NRDC: variants seen among roughly 807,000 people sequenced by gnomAD.
NRDC encodes the protein nardilysin convertase.
Under a neutral mutation model 147.1 loss-of-function variants are expected in NRDC, and 54 were observed. That is an observed-to-expected ratio of 0.37 (90% confidence interval 0.29 to 0.46). The LOEUF is 0.46. Among genes scored for constraint, NRDC ranks in the 20% least tolerant of loss-of-function variants. NRDC has a pLI of 1.00. For missense variants in NRDC, 1,082 were observed against 1,370.6 expected (o/e 0.79, Z 3.33); for synonymous variants, 440 against 482.1 (o/e 0.91, Z 1.14).
chr1:51,836,445 A>G (rs1680978891), intron 2 of NRDC: 2 of 1,611,614 alleles, frequency 1.2e-6, no homozygotes, highest in Non-Finnish European at 1.7e-6. Context: ...AGACCTAAGG[A>G]AAAAAAGCAG....
At chr1:51,804,302 T>C (rs973286482) in intron 19 of NRDC, among the ~76,000 whole-genome samples, 1 of 152,244 alleles carries the variant, frequency 6.6e-6, no homozygotes, top group Non-Finnish European at 1.5e-5. Context: ...ATTAAAAATA[T>C]GAGTTTGGGA....
chr1:51,836,021 C>A, intron 3 of NRDC, 110 bp downstream of exon 3: 1 of 831,208 alleles, frequency 1.2e-6, no homozygotes, highest in South Asian at 1.6e-5. Flanking sequence ...TTTTCTCTTG[C>A]TAAATATATC....
At chr1:51,873,478 T>TA (rs1284028499) in intron 1 of NRDC, among the ~76,000 whole-genome samples, 198 of 135,994 alleles carry the variant, frequency 1.5e-3, no homozygotes, top group East Asian at 7.1e-3. Flanking sequence ...ATATATGGAA[T>TA]TTTTATTTAT....
intron 4 of NRDC, among the ~76,000 whole-genome samples, chr1:51,828,518 A>G (rs1680545281): frequency 6.6e-6 from 1 of 152,136 alleles, no homozygotes; most frequent in Non-Finnish European, 1.5e-5. Flanking sequence ...AGTTAATCTT[A>G]TAATTTCATC....
intron 1 of NRDC, among the ~76,000 whole-genome samples, chr1:51,855,463 CAA>C (rs905287890): frequency 1.8e-4 from 26 of 145,288 alleles, no homozygotes; most frequent in African/African-American, 5.9e-4. Flanking sequence ...TTGTACCAAA[CAA>C]GATAAAAAAT....
intron 7 of NRDC, 40 bp from the exon 8 acceptor site, chr1:51,821,595 T>C: frequency 7.6e-7 from 1 of 1,316,170 alleles, no homozygotes; most frequent in Non-Finnish European, 1.1e-6. Context: ...GAAAATGCAA[T>C]GACATTATTC....
At chr1:51,847,410 T>G (rs1681696408) in intron 1 of NRDC, among the ~76,000 whole-genome samples, 1 of 152,196 alleles carries the variant, frequency 6.6e-6, no homozygotes, top group African/African-American at 2.4e-5. Flanking sequence ...TGGATGGGAC[T>G]GGGCGCCGTG....
At chr1:51,863,789 A>G (rs1180228773) in intron 1 of NRDC, among the ~76,000 whole-genome samples, 1 of 152,216 alleles carries the variant, frequency 6.6e-6, no homozygotes, top group African/African-American at 2.4e-5. Flanking sequence ...AATCTAATAT[A>G]ATTATATAAA....
intron 1 of NRDC, 51 bp from the exon 2 acceptor site, chr1:51,840,565 CCAATA>C: frequency 8.2e-7 from 1 of 1,221,578 alleles, no homozygotes. Context: ...GTTCTTTACA[CCAATA>C]CAAGTAATCA....
At chr1:51,804,385 G>A (rs944421199) in intron 19 of NRDC, among the ~76,000 whole-genome samples, 1 of 152,180 alleles carries the variant, frequency 6.6e-6, no homozygotes, top group African/African-American at 2.4e-5. Context: ...TTACAGTTAC[G>A]TAGGAAAAGA....
chr1:51,874,806 G>T (rs1683246191), intron 1 of NRDC, among the ~76,000 whole-genome samples: 1 of 152,018 alleles, frequency 6.6e-6, no homozygotes, highest in East Asian at 1.9e-4. Flanking sequence ...AGGTGTCCTG[G>T]AAATATGCCC....
intron 1 of NRDC, among the ~76,000 whole-genome samples, chr1:51,846,361 G>A (rs1010613731): frequency 2.0e-5 from 3 of 152,090 alleles, no homozygotes; most frequent in Admixed American, 6.5e-5. Context: ...TGATCCACCC[G>A]CCTCGGTCTC....
intron 25 of NRDC, 50 bp from the exon 26 acceptor site, chr1:51,792,148 C>T: frequency 6.3e-7 from 1 of 1,599,108 alleles, no homozygotes; most frequent in Non-Finnish European, 8.6e-7. Context: ...AGCAGAGAAA[C>T]CTCCATTTCT....
At chr1:51,874,438 G>A (rs372278607) in intron 1 of NRDC, among the ~76,000 whole-genome samples, 2 of 151,942 alleles carry the variant, frequency 1.3e-5, no homozygotes, top group Non-Finnish European at 2.9e-5. Flanking sequence ...GCAAAATGGC[G>A]AAATCTCATC....
chr1:51,805,952 T>G (rs111735046), intron 18 of NRDC, among the ~76,000 whole-genome samples: 3 of 152,252 alleles, frequency 2.0e-5, no homozygotes, highest in African/African-American at 7.2e-5. Context: ...TTTTAGAAAC[T>G]CATAAGCTAT....
At chr1:51,820,683 C>T (rs1417022156) in intron 8 of NRDC, among the ~76,000 whole-genome samples, 2 of 152,004 alleles carry the variant, frequency 1.3e-5, no homozygotes, top group African/African-American at 2.4e-5. Context: ...TAATAATAAC[C>T]AATCAGTTGT....
chr1:51,837,554 A>T (rs779953533), intron 2 of NRDC: 1 of 1,594,364 alleles, frequency 6.3e-7, no homozygotes, highest in East Asian at 2.2e-5. Context: ...GACATTTTTG[A>T]ATAAGTTGAC....
Position 51,790,535 on chromosome 1 carries a change from C to G in NRDC, c.3166G>C (p.Glu1056Gln), listed in dbSNP as rs1376206265. The change falls in exon 29 of 31, where the codon GAG (glutamate) becomes CAG (glutamine). Residue 1056 changes from glutamate (E) to glutamine (Q), a missense_variant and splice_region_variant. This residue lies in a region of NRDC where 187 missense variants were observed against 193.6 expected (regional missense o/e 0.97). Transcript: ENST00000352171. ...TCTTACTCTGAAAACCATGTTACCT[C>G]GTGGGCAAGGCGGTCAAAGAGGTAC... ...QQYLFDRLAH[E>Q]IEALKSFSKS... 1 of 1,605,666 alleles carries G rather than the reference C, an allele frequency of 6.2e-7. No homozygotes were observed. The highest frequency in any genetic ancestry group is 8.5e-7 in the Non-Finnish European group (1 of 1,172,566).
At chr1:51,821,763 C>T (rs1680217396) in intron 7 of NRDC, among the ~76,000 whole-genome samples, 1 of 152,100 alleles carries the variant, frequency 6.6e-6, no homozygotes, top group Non-Finnish European at 1.5e-5. Flanking sequence ...TTTTGTGAGA[C>T]CCCTTTATTT....
Sources: allele counts gnomAD v4.1 joint callset (sites outside exome capture counted in the v4.1 genomes callset), GRCh38; gene constraint gnomAD v4.1.1; regional missense constraint gnomAD v4.1.1; transcripts MANE v1.5; gene names NCBI Gene and HGNC (gene_info 2026-07-23, HGNC 2026-07-21).